FAM133A: variants seen among roughly 807,000 people sequenced by gnomAD.
The protein encoded by FAM133A is protein FAM133A.
For synonymous variants in FAM133A, 65 were observed against 58.6 expected (o/e 1.11, Z -0.50); for missense variants, 159 against 164.4 (o/e 0.97, Z 0.18).
rs765661342 is a variant in FAM133A at position 93,693,589 on chromosome X, G to A, written c.-192-4808G>A. Among the ~76,000 whole-genome samples the A allele has an allele frequency of 1.2e-3, 131 of 111,016 alleles. 1 individual carries two copies. The highest frequency in any genetic ancestry group is 3.2e-4 in the Non-Finnish European group (17 of 52,766). On this transcript the variant is annotated intron_variant, in intron 2 of 3. Transcript: ENST00000683942. ...GATTTTCACAAAAACCCACAAGGTAGAGACAGCATTTTTCATTTTACCAAT... is the reference window on the plus strand; with the variant it reads ...GATTTTCACAAAAACCCACAAGGTAAAGACAGCATTTTTCATTTTACCAAT...
chrX:93,681,076 G>A (rs1294471643), intron 2 of FAM133A, among the ~76,000 whole-genome samples: 1 of 111,049 alleles, frequency 9.0e-6, no homozygotes, highest in African/African-American at 3.3e-5. Context: ...TTTTTTGCCT[G>A]TAGTACTCAT....
rs756304428 is a variant in FAM133A, at chrX:93,687,150, T to C, written c.-192-11247T>C. Among the ~76,000 whole-genome samples the C allele has an allele frequency of 3.6e-5, 4 of 112,514 alleles. No individual in the cohort carries two copies. The East Asian group carries it at 1.1e-3, about 31-fold the overall frequency. ...GAGTGGATAAAGAAAATGTGGTATA[T>C]ATACAACAGCCATAAAATGGAATAA... On this transcript the variant is annotated intron_variant, in intron 2 of 3. Transcript: ENST00000683942.
chrX:93,690,505 C>T (rs1925815356), intron 2 of FAM133A, among the ~76,000 whole-genome samples: 1 of 111,517 alleles, frequency 9.0e-6, no homozygotes, highest in Non-Finnish European at 1.9e-5. Flanking sequence ...CAGCTTCTTT[C>T]ACTTATGTTT....
At chrX:93,696,281 A>C (rs1302592364) in intron 2 of FAM133A, among the ~76,000 whole-genome samples, 2 of 111,507 alleles carry the variant, frequency 1.8e-5, no homozygotes, top group Non-Finnish European at 3.8e-5. Flanking sequence ...TGAAGAACAG[A>C]AAATAAAATC....
At chrX:93,692,149 C>T (rs980981) in intron 2 of FAM133A, among the ~76,000 whole-genome samples, 2,994 of 111,243 alleles carry the variant, frequency 0.027, 107 homozygotes, top group African/African-American at 0.092. Flanking sequence ...TTATACTTAC[C>T]GATTCTATAG....
chrX:93,694,442 C>T (rs1193534241), intron 2 of FAM133A, among the ~76,000 whole-genome samples: 1 of 110,961 alleles, frequency 9.0e-6, no homozygotes, highest in Admixed American at 9.6e-5. Context: ...TTTAAATCCC[C>T]AGTAAGATAA....
At chrX:93,696,734 C>A (rs1246153101) in intron 2 of FAM133A, among the ~76,000 whole-genome samples, 1 of 110,358 alleles carries the variant, frequency 9.1e-6, no homozygotes, top group Non-Finnish European at 1.9e-5. Flanking sequence ...TTCTGGCTAA[C>A]ACAGTGACAC....
intron 1 of FAM133A, 147 bp from the exon 2 acceptor site, chrX:93,674,534 G>A (rs775003183): frequency 2.7e-5 from 3 of 111,791 alleles, no homozygotes; most frequent in Non-Finnish European, 3.8e-5. Context: ...TCTTCTGTCA[G>A]TGTATGCGAT....
At chrX:93,708,631 A>G (rs1927206709) in intron 3 of FAM133A, among the ~76,000 whole-genome samples, 1 of 112,151 alleles carries the variant, frequency 8.9e-6, no homozygotes, top group African/African-American at 3.2e-5. Flanking sequence ...AGACAATGAT[A>G]GGATCAACTT....
Position 93,709,739 on chromosome X carries a change from C to A in FAM133A, c.320C>A (p.Ser107Tyr). 1 of 1,195,633 alleles carries A rather than the reference C, an allele frequency of 8.4e-7. No individual in the cohort carries two copies. The highest frequency in any genetic ancestry group is 1.1e-6 in the Non-Finnish European group (1 of 887,721). The change falls in exon 4 of 4, where the codon TCT becomes TAT. Residue 107 changes from serine (S) to tyrosine (Y), a missense_variant. Transcript: ENST00000683942. ...AAGAAATCTTGTCGGTCTTCATCTT[C>A]TTCATCAAGCTCTGATTCTTCAAGC... ...RKKKSCRSSSSSSSSDSSSSS... is the reference protein window; with the variant it reads ...RKKKSCRSSSYSSSSDSSSSS...
chrX:93,676,875 T>C (rs917858201), intron 2 of FAM133A, among the ~76,000 whole-genome samples: 2 of 110,907 alleles, frequency 1.8e-5, no homozygotes, highest in African/African-American at 6.5e-5. Flanking sequence ...CACAATTCTC[T>C]ACTTTAATTG....
chrX:93,685,566 G>A (rs1311770550), intron 2 of FAM133A, among the ~76,000 whole-genome samples: 2 of 111,533 alleles, frequency 1.8e-5, no homozygotes, highest in Non-Finnish European at 3.8e-5. Flanking sequence ...ACTGAAATTT[G>A]AAGTCATTGG....
chrX:93,698,906 A>G (rs1303277502), intron 3 of FAM133A, among the ~76,000 whole-genome samples: 1 of 111,088 alleles, frequency 9.0e-6, no homozygotes. Flanking sequence ...CTAGTGGGGG[A>G]AAATGGTATT....
chrX:93,703,923 C>T (rs1384396051), intron 3 of FAM133A, among the ~76,000 whole-genome samples: 1 of 111,735 alleles, frequency 8.9e-6, no homozygotes, highest in Non-Finnish European at 1.9e-5. Context: ...GACAAATGCT[C>T]CATGACAGAA....
intron 3 of FAM133A, among the ~76,000 whole-genome samples, chrX:93,700,668 G>A (rs944310484): frequency 2.7e-5 from 3 of 110,957 alleles, no homozygotes; most frequent in Admixed American, 9.7e-5. Flanking sequence ...ATTTAGTTAC[G>A]TTAACAAATA....
In FAM133A at chrX:93,710,042, A is replaced by G; in HGVS notation, c.623A>G (p.Lys208Arg). 1.7e-6 allele frequency: 2 copies of G among 1,205,860 alleles called. No homozygotes were observed. Among genetic ancestry groups the G allele is most frequent in the Non-Finnish European group, 2.2e-6 (2 of 892,308 alleles). Residue 208 changes from lysine (K) to arginine (R), a missense_variant, in exon 4 of 4, where the codon AAG becomes AGG. Transcript: ENST00000683942. ...SDYEEDVQAK[K>R]KRRCEEREQA... ...TATGAAGAGGATGTGCAAGCAAAAA[A>G]GAAGAGAAGGTGTGAAGAGCGAGAA... is the stretch of plus-strand genomic sequence containing the variant.
chrX:93,689,108 C>G (rs1240695356), intron 2 of FAM133A, among the ~76,000 whole-genome samples: 1 of 106,169 alleles, frequency 9.4e-6, no homozygotes, highest in East Asian at 2.9e-4. Flanking sequence ...ATGGCGTGAT[C>G]TCGGCTCACT....
intron 2 of FAM133A, among the ~76,000 whole-genome samples, chrX:93,680,705 G>A (rs1925081849): frequency 9.0e-6 from 1 of 111,686 alleles, no homozygotes; most frequent in African/African-American, 3.3e-5. Flanking sequence ...GTGATGTCAA[G>A]TATTTTTTCA....
chrX:93,690,167 A>G (rs1925796598), intron 2 of FAM133A, among the ~76,000 whole-genome samples: 1 of 111,854 alleles, frequency 8.9e-6, no homozygotes, highest in Non-Finnish European at 1.9e-5. Flanking sequence ...TAAGGACTTA[A>G]GAAAATCCAC....
Sources: allele counts gnomAD v4.1 joint callset (sites outside exome capture counted in the v4.1 genomes callset), GRCh38; gene constraint gnomAD v4.1.1; transcripts MANE v1.5; gene names NCBI Gene and HGNC (gene_info 2026-07-23, HGNC 2026-07-21).